DNAJC3: variants seen among roughly 807,000 people sequenced by gnomAD.
DNAJC3 encodes the protein dnaJ homolog subfamily C member 3.
Under a neutral mutation model 68.6 loss-of-function variants are expected in DNAJC3, and 38 were observed. The observed-to-expected ratio is 0.55, with a 90% confidence interval of 0.43 to 0.73. DNAJC3 has a LOEUF of 0.73. DNAJC3 is among the 30% of genes least tolerant of loss of function. The probability of loss-of-function intolerance (pLI) is 0.00; values close to 1 mark genes in which losing one functional copy is unlikely to be tolerated. For synonymous variants in DNAJC3, 203 were observed against 204.0 expected (o/e 1.00, Z 0.04); for missense variants, 526 against 591.9 (o/e 0.89, Z 1.16).
chr13:95,741,106 G>A (rs1463959331), intron 4 of DNAJC3, among the ~76,000 whole-genome samples: 2 of 152,014 alleles, frequency 1.3e-5, no homozygotes, highest in Non-Finnish European at 2.9e-5. Flanking sequence ...GTTTTCTTTT[G>A]GAGGTGTCAT....
At position 95,776,882 on chromosome 13, in the gene DNAJC3, T is replaced by C. The variant is rs368418471; in HGVS notation, c.1076-9057T>C. The stretch of plus-strand genomic sequence containing the variant: ...AATGAATGAACTTACTCCCTCATCA[T>C]CCTTCCCCTTTCTTTTCCCATGTTT... On this transcript the variant is annotated intron_variant, in intron 9 of 11. Transcript: ENST00000602402. Among the ~76,000 whole-genome samples the C allele has an allele frequency of 3.9e-5, 6 of 152,330 alleles. No homozygotes were observed. The East Asian group carries it at 7.7e-4, about 20-fold the overall frequency.
chr13:95,724,315 A>T (rs1593981037), intron 3 of DNAJC3, among the ~76,000 whole-genome samples: 1 of 152,228 alleles, frequency 6.6e-6, no homozygotes, highest in South Asian at 2.1e-4. Context: ...AAAGTAATGT[A>T]TATAGGGTTA....
At chr13:95,692,758 C>G (rs576893607) in intron 1 of DNAJC3, 1 of 152,008 alleles carries the variant, frequency 6.6e-6, no homozygotes, top group East Asian at 1.9e-4. Flanking sequence ...TCAACTAGAC[C>G]TTACAATACT....
chr13:95,717,423 A>C (rs1357049139), intron 2 of DNAJC3, among the ~76,000 whole-genome samples: 2 of 152,226 alleles, frequency 1.3e-5, no homozygotes, highest in South Asian at 2.1e-4. Context: ...TCTGAAGGTG[A>C]TATTCCAGTT....
chr13:95,774,711 T>TCC (rs1455102619), intron 9 of DNAJC3, among the ~76,000 whole-genome samples: 7 of 152,224 alleles, frequency 4.6e-5, no homozygotes, highest in Non-Finnish European at 1.0e-4. Context: ...ATTTTTACTT[T>TCC]TATTCTTACT....
chr13:95,731,425 A>G (rs576893835), intron 4 of DNAJC3, among the ~76,000 whole-genome samples: 1 of 152,246 alleles, frequency 6.6e-6, no homozygotes, highest in Non-Finnish European at 1.5e-5. Context: ...CTATGATGTT[A>G]ACTGTGGATT....
intron 7 of DNAJC3, among the ~76,000 whole-genome samples, chr13:95,763,114 G>C (rs561581462): frequency 1.8e-4 from 28 of 152,244 alleles, no homozygotes; most frequent in African/African-American, 6.0e-4. Flanking sequence ...TGCTGAAATA[G>C]CTTTTATTCT....
At chr13:95,716,847 G>A (rs975243425) in intron 2 of DNAJC3, among the ~76,000 whole-genome samples, 3 of 152,168 alleles carry the variant, frequency 2.0e-5, no homozygotes, top group African/African-American at 7.2e-5. Flanking sequence ...GGGGTGCGTG[G>A]CTGGCCAGAG....
chr13:95,720,190 A>G (rs1049732930), intron 2 of DNAJC3, among the ~76,000 whole-genome samples: 1 of 152,222 alleles, frequency 6.6e-6, no homozygotes, highest in Non-Finnish European at 1.5e-5. Context: ...TTTTCCATGT[A>G]TAGTCAAATA....
intron 4 of DNAJC3, among the ~76,000 whole-genome samples, chr13:95,729,586 C>A (rs1226595744): frequency 6.6e-6 from 1 of 152,032 alleles, no homozygotes; most frequent in Non-Finnish European, 1.5e-5. Flanking sequence ...AATCTCCATA[C>A]TGTTTTACAT....
chr13:95,774,033 C>T (rs1229771051), intron 9 of DNAJC3, among the ~76,000 whole-genome samples: 1 of 152,092 alleles, frequency 6.6e-6, no homozygotes. Context: ...CGGTGCCTGG[C>T]CTTGTTGGTC....
At chr13:95,780,813 C>T (rs1032592230) in intron 9 of DNAJC3, among the ~76,000 whole-genome samples, 1 of 152,180 alleles carries the variant, frequency 6.6e-6, no homozygotes, top group African/African-American at 2.4e-5. Context: ...TGTTAGGAAA[C>T]TGTTTTAATG....
At chr13:95,710,067 C>A (rs1880906095) in intron 2 of DNAJC3, among the ~76,000 whole-genome samples, 1 of 152,138 alleles carries the variant, frequency 6.6e-6, no homozygotes, top group African/African-American at 2.4e-5. Context: ...ATTGGTCAGA[C>A]CCCAGCTGCT....
intron 4 of DNAJC3, among the ~76,000 whole-genome samples, chr13:95,738,725 G>A (rs138179175): frequency 0.023 from 3,513 of 152,242 alleles, 55 homozygotes; most frequent in Non-Finnish European, 0.037. Flanking sequence ...GTCTCTGCAC[G>A]TGAGATGGGT....
chr13:95,740,092 C>T (rs908113088), intron 4 of DNAJC3, among the ~76,000 whole-genome samples: 3 of 152,028 alleles, frequency 2.0e-5, no homozygotes, highest in African/African-American at 4.8e-5. Context: ...CAGTGTGCCC[C>T]TGCTGGGGGG....
At chr13:95,705,004 A>G (rs1178139877) in intron 1 of DNAJC3, among the ~76,000 whole-genome samples, 2 of 151,982 alleles carry the variant, frequency 1.3e-5, no homozygotes, top group African/African-American at 4.8e-5. Flanking sequence ...GGCATGCACC[A>G]CCACATCCAG....
Position 95,677,175 on chromosome 13 carries a change from C to T in DNAJC3, c.-81C>T, listed in dbSNP as rs1879773749. ...GGCCTGAGCGAGAGCCGACGGCGGG[C>T]GGGCGCAGCTGCTGCCGGAGCGCCG... On this transcript the variant is annotated 5_prime_UTR_variant, in exon 1 of 12. Coordinates refer to ENST00000602402, the MANE Select transcript of DNAJC3 (RefSeq NM_006260.5). 4.5e-6 allele frequency: 6 copies of T among 1,340,920 alleles called. No individual in the cohort carries two copies. The highest frequency in any genetic ancestry group is 1.3e-5 in the South Asian group (1 of 75,406). 83.1% of individuals were successfully genotyped at this position (1,340,920 alleles called of 1,614,324 possible).
At chr13:95,790,281 C>T (rs1284971927) in intron 11 of DNAJC3, among the ~76,000 whole-genome samples, 2 of 152,206 alleles carry the variant, frequency 1.3e-5, no homozygotes, top group African/African-American at 2.4e-5. Context: ...CAATATTCCT[C>T]TTTATTGCCT....
intron 1 of DNAJC3, among the ~76,000 whole-genome samples, chr13:95,705,775 G>A (rs1325071697): frequency 1.3e-5 from 2 of 152,140 alleles, no homozygotes; most frequent in African/African-American, 4.8e-5. Flanking sequence ...CTGGCCTCAA[G>A]CAGTTCTCCT....
Sources: allele counts gnomAD v4.1 joint callset (sites outside exome capture counted in the v4.1 genomes callset), GRCh38; gene constraint gnomAD v4.1.1; transcripts MANE v1.5; gene names NCBI Gene and HGNC (gene_info 2026-07-23, HGNC 2026-07-21).